ACTR3C: variants seen among roughly 807,000 people sequenced by gnomAD.
ACTR3C encodes actin-related protein 3C.
ACTR3C carries 18 observed loss-of-function variants against 26.3 expected under a neutral mutation model. The ratio of observed to expected loss-of-function variants is 0.68; its 90% CI spans 0.47 to 1.01. ACTR3C has a LOEUF of 1.01. Ranked by LOEUF, ACTR3C falls within the 50% of genes least tolerant of loss-of-function variation. The pLI is 0.00. For synonymous variants in ACTR3C, 55 were observed against 94.5 expected (o/e 0.58, Z 2.42); for missense variants, 184 against 250.7 (o/e 0.73, Z 1.80).
chr7:150,247,757 G>A (rs920532656), intron 7 of ACTR3C, 188 bp from the exon 8 acceptor site: 38 of 146,602 alleles, frequency 2.6e-4, no homozygotes, highest in African/African-American at 7.5e-4. Flanking sequence ...CATGGATGGC[G>A]TGGGCCATCT....
In ACTR3C at chr7:150,284,737, C is replaced by G. The variant is rs762419983; in HGVS notation, c.564+16G>C. 9 of 1,584,518 alleles carry G rather than the reference C, an allele frequency of 5.7e-6. No individual in the cohort carries two copies. The highest frequency in any genetic ancestry group is 3.4e-6 in the Non-Finnish European group (4 of 1,166,450). ...TGTGGAATGAAATCAAAGTACCTTACCCATGCAGCTCATACCTTATACAGC... is the reference window on the plus strand; with the variant it reads ...TGTGGAATGAAATCAAAGTACCTTAGCCATGCAGCTCATACCTTATACAGC... On this transcript the variant is annotated intron_variant, in intron 6 of 7. Coordinates refer to ENST00000683684, the MANE Select transcript of ACTR3C (RefSeq NM_001164458.2).
At chr7:149,911,496 C>T in the ACTR3C span, among the ~76,000 whole-genome samples, 1 of 152,080 alleles carries the variant, frequency 6.6e-6, no homozygotes, top group Non-Finnish European at 1.5e-5. Context: ...GTATTCTCAC[C>T]AGTTGTAAAA....
At chr7:149,959,550 G>A in the ACTR3C span, among the ~76,000 whole-genome samples, 1 of 152,148 alleles carries the variant, frequency 6.6e-6, no homozygotes. Context: ...AGGCAGTGGA[G>A]AAACAGATGG....
chr7:150,319,396 G>A (rs1361725721), intron 1 of ACTR3C, among the ~76,000 whole-genome samples: 1 of 152,054 alleles, frequency 6.6e-6, no homozygotes, highest in Non-Finnish European at 1.5e-5. Flanking sequence ...TAGTAGAAAC[G>A]GGGTTTCTCC....
chr7:150,006,842 G>A, the ACTR3C span, among the ~76,000 whole-genome samples: 1 of 152,140 alleles, frequency 6.6e-6, no homozygotes, highest in East Asian at 1.9e-4. Context: ...TTCCTGTTAT[G>A]GATGGGAATA....
At chr7:150,043,244 T>G in the ACTR3C span, among the ~76,000 whole-genome samples, 4 of 150,874 alleles carry the variant, frequency 2.7e-5, no homozygotes, top group Non-Finnish European at 3.0e-5. Context: ...CTCCAGGTGG[T>G]TCCTAAGGAT....
At chr7:150,113,489 G>GT in the ACTR3C span, among the ~76,000 whole-genome samples, 2 of 152,248 alleles carry the variant, frequency 1.3e-5, no homozygotes, top group African/African-American at 4.8e-5. Context: ...GTGATTCAAC[G>GT]TAAGTAAATT....
the ACTR3C span, among the ~76,000 whole-genome samples, chr7:150,214,027 G>A: frequency 6.7e-6 from 1 of 148,392 alleles, no homozygotes; most frequent in East Asian, 2.0e-4. Flanking sequence ...TGCAGGTGCT[G>A]AATGGGCTAC....
chr7:150,249,960 G>T (rs1832717138), intron 6 of ACTR3C, among the ~76,000 whole-genome samples: 1 of 152,166 alleles, frequency 6.6e-6, no homozygotes, highest in African/African-American at 2.4e-5. Flanking sequence ...GATGGGTTAG[G>T]GTACATGGTG....
At chr7:150,168,503 A>T in the ACTR3C span, among the ~76,000 whole-genome samples, 1 of 150,808 alleles carries the variant, frequency 6.6e-6, no homozygotes, top group Non-Finnish European at 1.5e-5. Context: ...GAGTTGTATA[A>T]TTCTTTCATT....
At chr7:150,184,339 C>G in the ACTR3C span, among the ~76,000 whole-genome samples, 4 of 150,952 alleles carry the variant, frequency 2.6e-5, no homozygotes, top group East Asian at 3.9e-4. Context: ...GAGTGGTGGT[C>G]TATACAAGTA....
chr7:150,227,416 A>G, the ACTR3C span, among the ~76,000 whole-genome samples: 1 of 150,976 alleles, frequency 6.6e-6, no homozygotes, highest in African/African-American at 2.4e-5. Flanking sequence ...TACCTGGCTT[A>G]TTTCACTTAG....
At chr7:150,318,636 G>C (rs1359416261) in intron 1 of ACTR3C, among the ~76,000 whole-genome samples, 2 of 152,120 alleles carry the variant, frequency 1.3e-5, no homozygotes, top group Non-Finnish European at 2.9e-5. Flanking sequence ...GTGGTGCAGA[G>C]CTGTAGTTCC....
chr7:150,080,818 T>G, the ACTR3C span, among the ~76,000 whole-genome samples: 310 of 152,248 alleles, frequency 2.0e-3, 1 homozygote, highest in African/African-American at 7.2e-3. Context: ...AATAGAACAT[T>G]ATCTGTTATG....
At chr7:149,992,727 A>T in the ACTR3C span, among the ~76,000 whole-genome samples, 1 of 152,220 alleles carries the variant, frequency 6.6e-6, no homozygotes, top group Non-Finnish European at 1.5e-5. Flanking sequence ...AGGAATCTCC[A>T]GAGGGACAGA....
the ACTR3C span, among the ~76,000 whole-genome samples, chr7:149,988,656 G>C: frequency 1.3e-5 from 2 of 152,170 alleles, no homozygotes; most frequent in Non-Finnish European, 2.9e-5. Context: ...CTCACCTCTT[G>C]CCCAGTCCCT....
chr7:150,039,687 G>A, the ACTR3C span, among the ~76,000 whole-genome samples: 1,473 of 107,160 alleles, frequency 0.014, 9 homozygotes, highest in African/African-American at 0.044. Context: ...ACGATGGGGG[G>A]TCCTAAGCCG....
the ACTR3C span, among the ~76,000 whole-genome samples, chr7:149,966,343 A>G: frequency 6.6e-6 from 1 of 152,216 alleles, no homozygotes; most frequent in African/African-American, 2.4e-5. Flanking sequence ...GTAAAACACA[A>G]TGATGTGCAA....
At chr7:149,909,725 A>G in the ACTR3C span, 1 of 412,260 alleles carries the variant, frequency 2.4e-6, no homozygotes, top group South Asian at 4.8e-5. Context: ...CAAAGTCATC[A>G]ACACATGTTT....
Sources: allele counts gnomAD v4.1 joint callset (sites outside exome capture counted in the v4.1 genomes callset), GRCh38; gene constraint gnomAD v4.1.1; transcripts MANE v1.5; gene names NCBI Gene and HGNC (gene_info 2026-07-23, HGNC 2026-07-21).